STK33: variants seen among roughly 807,000 people sequenced by gnomAD.
The protein encoded by STK33 is serine/threonine kinase 33.
A neutral mutation model predicts 58.0 loss-of-function variants in STK33; 52 were observed. That is an observed-to-expected ratio of 0.90 (90% confidence interval 0.72 to 1.13). STK33 has a LOEUF of 1.13. STK33 is among the 50% of genes most tolerant of loss of function. The pLI is 0.00. For synonymous variants in STK33, 215 were observed against 200.1 expected (o/e 1.07, Z -0.63); for missense variants, 630 against 604.2 (o/e 1.04, Z -0.45).
At chr11:8,378,177 C>T in the STK33 span, among the ~76,000 whole-genome samples, 1 of 152,202 alleles carries the variant, frequency 6.6e-6, no homozygotes, top group Non-Finnish European at 1.5e-5. Flanking sequence ...CAAATGCATC[C>T]TTCTTCACAT....
chr11:8,575,498 A>C (rs1958116290), intron 1 of STK33, among the ~76,000 whole-genome samples: 1 of 152,228 alleles, frequency 6.6e-6, no homozygotes, highest in Admixed American at 6.5e-5. Context: ...TCAGACACAA[A>C]ATGACAAATA....
intron 15 of STK33, among the ~76,000 whole-genome samples, chr11:8,402,894 A>C (rs549987975): frequency 1.3e-5 from 2 of 152,288 alleles, no homozygotes; most frequent in Non-Finnish European, 2.9e-5. Flanking sequence ...TTCTTCTCTC[A>C]TAGCTGGAGG....
At chr11:8,413,434 T>A in intron 15 of STK33, 61 bp downstream of exon 15, 2 of 1,553,528 alleles carry the variant, frequency 1.3e-6, no homozygotes, top group Non-Finnish European at 1.8e-6. Flanking sequence ...GCAAAAAAAA[T>A]GTTCCAGGTG....
At chr11:8,369,043 C>G in the STK33 span, among the ~76,000 whole-genome samples, 8 of 152,040 alleles carry the variant, frequency 5.3e-5, no homozygotes, top group African/African-American at 1.9e-4. Flanking sequence ...ATGGAAGGGT[C>G]GCGATACACA....
the STK33 span, among the ~76,000 whole-genome samples, chr11:8,348,809 A>G: frequency 6.6e-6 from 1 of 152,188 alleles, no homozygotes; most frequent in Admixed American, 6.5e-5. Flanking sequence ...TCCTGCTTCA[A>G]TAACCCTGAG....
At chr11:8,367,056 G>A in the STK33 span, among the ~76,000 whole-genome samples, 1,184 of 152,348 alleles carry the variant, frequency 7.8e-3, 11 homozygotes, top group African/African-American at 0.02. Flanking sequence ...TGCATTCTAT[G>A]TCTGCATTGT....
the STK33 span, among the ~76,000 whole-genome samples, chr11:8,380,499 G>A: frequency 6.6e-6 from 1 of 151,256 alleles, no homozygotes; most frequent in African/African-American, 2.4e-5. Context: ...GGCAGAGGTT[G>A]CAGCGAGCCG....
intron 11 of STK33, among the ~76,000 whole-genome samples, chr11:8,441,508 T>C (rs765812577): frequency 3.3e-5 from 5 of 152,082 alleles, no homozygotes; most frequent in African/African-American, 4.8e-5. Context: ...CATACTATCA[T>C]GCCTGGCTAA....
the STK33 span, among the ~76,000 whole-genome samples, chr11:8,335,996 T>C: frequency 3.9e-5 from 6 of 152,184 alleles, no homozygotes; most frequent in African/African-American, 1.2e-4. Context: ...GACTTGCTCA[T>C]GGCCAAATGC....
intron 1 of STK33, among the ~76,000 whole-genome samples, chr11:8,484,223 T>C (rs1012190746): frequency 5.3e-5 from 8 of 152,236 alleles, no homozygotes; most frequent in African/African-American, 1.9e-4. Flanking sequence ...TGTATATATC[T>C]GAATGGCAGA....
the STK33 span, among the ~76,000 whole-genome samples, chr11:8,358,696 C>T: frequency 6.6e-6 from 1 of 151,946 alleles, no homozygotes; most frequent in Non-Finnish European, 1.5e-5. Context: ...TCTGGGGCAA[C>T]GTGAACATCA....
chr11:8,536,970 A>T (rs1565305424), intron 1 of STK33, among the ~76,000 whole-genome samples: 26 of 93,834 alleles, frequency 2.8e-4, no homozygotes, highest in Non-Finnish European at 4.6e-4. Flanking sequence ...AAAAAAAAAA[A>T]GATTTTTTTT....
Position 8,579,647 on chromosome 11 carries a change from G to T in STK33, c.-466+14436C>A, listed in dbSNP as rs563991397. On this transcript the variant is annotated intron_variant, in intron 1 of 15. Transcript: ENST00000687296. ...ACATGCTTTACAAGAGAAAAAAAAGGCTGCCTAGCATTCACATGTTCTCAT... is the reference window on the plus strand; with the variant it reads ...ACATGCTTTACAAGAGAAAAAAAAGTCTGCCTAGCATTCACATGTTCTCAT... Among the ~76,000 whole-genome samples, 11 of 152,140 alleles carry T rather than the reference G, an allele frequency of 7.2e-5. No individual in the cohort carries two copies. The East Asian group carries it at 2.1e-3, about 29-fold the overall frequency.
intron 1 of STK33, among the ~76,000 whole-genome samples, chr11:8,526,321 G>A (rs1021608802): frequency 1.3e-5 from 2 of 151,878 alleles, no homozygotes; most frequent in Non-Finnish European, 2.9e-5. Context: ...GAACCCAGGA[G>A]GCAGAGGTTG....
intron 6 of STK33, among the ~76,000 whole-genome samples, chr11:8,468,939 C>T (rs1948501388): frequency 6.6e-6 from 1 of 151,952 alleles, no homozygotes; most frequent in Admixed American, 6.6e-5. Context: ...AAAATGTACA[C>T]AAAATTTTAA....
At chr11:8,532,871 T>C (rs1455632619) in intron 1 of STK33, among the ~76,000 whole-genome samples, 1 of 152,220 alleles carries the variant, frequency 6.6e-6, no homozygotes. Context: ...CATTTTTAAC[T>C]GCACCATAAA....
chr11:8,405,112 G>A (rs1171968529), intron 15 of STK33, among the ~76,000 whole-genome samples: 2 of 152,034 alleles, frequency 1.3e-5, no homozygotes, highest in Admixed American at 6.5e-5. Flanking sequence ...ATCCAGCCTG[G>A]GTGACAGAGC....
intron 14 of STK33, among the ~76,000 whole-genome samples, chr11:8,418,336 T>G (rs1461485965): frequency 6.6e-6 from 1 of 152,092 alleles, no homozygotes. Context: ...TGAGAACATG[T>G]GCTATTTGGT....
chr11:8,390,977 T>C (rs1848612923), downstream of STK33, among the ~76,000 whole-genome samples: 1 of 152,232 alleles, frequency 6.6e-6, no homozygotes, highest in Non-Finnish European at 1.5e-5. Flanking sequence ...GCCACCATCT[T>C]GGTTAGGCTT....
Sources: gnomAD v4.1 joint callset for allele counts (sites outside exome capture counted in the v4.1 genomes callset) on GRCh38, gnomAD v4.1.1 for gene constraint, MANE v1.5 for transcripts, NCBI Gene and HGNC (gene_info 2026-07-23, HGNC 2026-07-21) for gene names.